BAZ2B: variants seen among roughly 807,000 people sequenced by gnomAD.
BAZ2B encodes the protein bromodomain adjacent to zinc finger domain 2B, also known as bromodomain adjacent to zinc finger domain protein 2B.
In BAZ2B, 91 loss-of-function variants were observed where a neutral mutation model predicts 246.0. The observed-to-expected ratio is 0.37, with a 90% confidence interval of 0.31 to 0.44. BAZ2B has a LOEUF of 0.44. Among genes scored for constraint, BAZ2B ranks in the 20% least tolerant of loss-of-function variants. BAZ2B has a pLI of 1.00. For missense variants in BAZ2B, 2,332 were observed against 2,533.7 expected (o/e 0.92, Z 1.71); for synonymous variants, 855 against 860.0 (o/e 0.99, Z 0.10).
chr2:159,468,208 T>TC (rs879510436), intron 3 of BAZ2B, among the ~76,000 whole-genome samples: 2 of 152,052 alleles, frequency 1.3e-5, no homozygotes, highest in African/African-American at 2.4e-5. Flanking sequence ...CTAAGTGCAC[T>TC]CCCTCATCAT....
chr2:159,658,683 T>C, the BAZ2B span, among the ~76,000 whole-genome samples: 1 of 152,104 alleles, frequency 6.6e-6, no homozygotes, highest in African/African-American at 2.4e-5. Flanking sequence ...GAAGTCTGGA[T>C]AATTCTTTGT....
intron 3 of BAZ2B, chr2:159,461,641 G>C (rs1241126950): frequency 1.3e-5 from 2 of 152,556 alleles, no homozygotes; most frequent in African/African-American, 2.4e-5. Flanking sequence ...CAGTATGTCA[G>C]CAGTTCTTGA....
At chr2:159,615,927 T>G (rs970782299) in intron 1 of BAZ2B, 5 of 152,208 alleles carry the variant, frequency 3.3e-5, no homozygotes, top group Admixed American at 2.6e-4. Flanking sequence ...GAATAAAGTT[T>G]ACGTTCTCCT....
chr2:159,528,744 T>C (rs1320190135), intron 2 of BAZ2B, among the ~76,000 whole-genome samples: 1 of 151,818 alleles, frequency 6.6e-6, no homozygotes, highest in East Asian at 1.9e-4. Context: ...AGAAAATCCT[T>C]TTATTAACCT....
chr2:159,493,206 T>C (rs2151035344), intron 2 of BAZ2B, among the ~76,000 whole-genome samples: 1 of 152,334 alleles, frequency 6.6e-6, no homozygotes, highest in East Asian at 1.9e-4. Context: ...AAAAGTGCAC[T>C]GTCCAATAGG....
intron 13 of BAZ2B, among the ~76,000 whole-genome samples, chr2:159,424,616 AT>A (rs1223735629): frequency 2.6e-5 from 4 of 152,178 alleles, no homozygotes; most frequent in Admixed American, 1.3e-4. Context: ...GATGAAAAAA[AT>A]ATACTTCCCA....
intron 3 of BAZ2B, among the ~76,000 whole-genome samples, chr2:159,476,747 G>C (rs2078608446): frequency 6.6e-6 from 1 of 152,204 alleles, no homozygotes; most frequent in South Asian, 2.1e-4. Context: ...TACACTGAAA[G>C]CTCACAACAA....
chr2:159,425,472 T>C (rs763302660), intron 13 of BAZ2B, among the ~76,000 whole-genome samples: 1 of 152,206 alleles, frequency 6.6e-6, no homozygotes, highest in Non-Finnish European at 1.5e-5. Context: ...TGAGCCACAA[T>C]GCCCGGCCTG....
the BAZ2B span, among the ~76,000 whole-genome samples, chr2:159,677,754 C>T: frequency 5.3e-5 from 8 of 152,066 alleles, no homozygotes; most frequent in African/African-American, 1.9e-4. Flanking sequence ...GCTTAATTTG[C>T]CCAAATCCAG....
At chr2:159,448,632 T>C (rs2074597323) in intron 4 of BAZ2B, among the ~76,000 whole-genome samples, 1 of 152,208 alleles carries the variant, frequency 6.6e-6, no homozygotes, top group Non-Finnish European at 1.5e-5. Context: ...CTTGGCAGCT[T>C]TGTAGAGTTC....
chr2:159,661,851 T>TA, the BAZ2B span, among the ~76,000 whole-genome samples: 1 of 152,170 alleles, frequency 6.6e-6, no homozygotes, highest in Admixed American at 6.5e-5. Context: ...GCTCAAGCGA[T>TA]ACTCCTGTCT....
chr2:159,668,346 AATGTTAAATAC>A, the BAZ2B span, among the ~76,000 whole-genome samples: 3 of 152,142 alleles, frequency 2.0e-5, no homozygotes, highest in Non-Finnish European at 4.4e-5. Flanking sequence ...CATTTGTTAC[AATGTTAAATAC>A]AAATGGTGAA....
At chr2:159,554,342 T>G (rs911373106) in intron 2 of BAZ2B, among the ~76,000 whole-genome samples, 1 of 152,164 alleles carries the variant, frequency 6.6e-6, no homozygotes, top group African/African-American at 2.4e-5. Context: ...AAGCACTAGA[T>G]GCTAAACAGA....
At chr2:159,573,840 C>T (rs1401949911) in intron 1 of BAZ2B, among the ~76,000 whole-genome samples, 1 of 152,124 alleles carries the variant, frequency 6.6e-6, no homozygotes, top group Non-Finnish European at 1.5e-5. Context: ...TGGCTCACAT[C>T]CATAATCCTA....
At chr2:159,624,989 T>C in the BAZ2B span, among the ~76,000 whole-genome samples, 3 of 151,772 alleles carry the variant, frequency 2.0e-5, no homozygotes. Context: ...ACGTAAATGA[T>C]CTGATGGAAC....
At position 159,418,552 on chromosome 2, in the gene BAZ2B, G is replaced by A. The variant is rs569898805; in HGVS notation, c.2467-6007C>T. On this transcript the variant is annotated intron_variant, in intron 13 of 36. Coordinates refer to ENST00000392783, the MANE Select transcript of BAZ2B (RefSeq NM_013450.4). ...TCCTGATTCAATTTTACTCATCCTGGCTTGACTTTTTCTTTTGTTGCTCCC... is the reference window on the plus strand; with the variant it reads ...TCCTGATTCAATTTTACTCATCCTGACTTGACTTTTTCTTTTGTTGCTCCC... Among the ~76,000 whole-genome samples, 171 of 151,992 alleles carry A rather than the reference G, an allele frequency of 1.1e-3. 6 individuals are homozygous for A. The South Asian group carries it at 0.035, about 31-fold the overall frequency.
the BAZ2B span, among the ~76,000 whole-genome samples, chr2:159,645,282 T>G: frequency 2.4e-4 from 37 of 151,984 alleles, no homozygotes; most frequent in African/African-American, 6.0e-4. Context: ...AAAAAAAGTT[T>G]TTTTTTTTTT....
intron 33 of BAZ2B, among the ~76,000 whole-genome samples, chr2:159,334,424 C>A (rs2065276079): frequency 6.6e-6 from 1 of 152,110 alleles, no homozygotes; most frequent in Non-Finnish European, 1.5e-5. Flanking sequence ...TATGACAACT[C>A]CCTCTTTTTC....
chr2:159,405,215 AT>A, intron 14 of BAZ2B, 101 bp from the exon 15 acceptor site: 6 of 933,776 alleles, frequency 6.4e-6, no homozygotes, highest in Non-Finnish European at 9.0e-6. Flanking sequence ...GGATATAATT[AT>A]TACTTTTTTT....
Sources: gnomAD v4.1 joint callset for allele counts (sites outside exome capture counted in the v4.1 genomes callset) on GRCh38, gnomAD v4.1.1 for gene constraint, MANE v1.5 for transcripts, NCBI Gene and HGNC (gene_info 2026-07-23, HGNC 2026-07-21) for gene names.